OR2L13: variants seen among roughly 807,000 people sequenced by gnomAD.
The protein encoded by OR2L13 is olfactory receptor family 2 subfamily L member 13.
OR2L13 carries 14 observed loss-of-function variants against 15.3 expected under a neutral mutation model. The ratio of observed to expected loss-of-function variants is 0.91; its 90% confidence interval spans 0.60 to 1.43. The LOEUF (loss-of-function observed/expected upper bound fraction) is 1.43. Ranked by LOEUF, OR2L13 falls within the 40% of genes most tolerant of loss-of-function variation. OR2L13 has a pLI of 0.00. For synonymous variants in OR2L13, 152 were observed against 142.9 expected, an observed-to-expected ratio of 1.06 and a Z score of -0.45; for missense variants, 367 against 387.9, an observed-to-expected ratio of 0.95 and a Z score of 0.45.
At chr1:248,067,255 C>T in the OR2L13 span, among the ~76,000 whole-genome samples, 1 of 152,166 alleles carries the variant, frequency 6.6e-6, no homozygotes, top group African/African-American at 2.4e-5. Context: ...TCTACTTTTA[C>T]ATATTATCAA....
chr1:248,058,711 T>C, the OR2L13 span, among the ~76,000 whole-genome samples: 1 of 152,184 alleles, frequency 6.6e-6, no homozygotes, highest in East Asian at 1.9e-4. Flanking sequence ...TTGAATATGA[T>C]GGTTAATATA....
the OR2L13 span, among the ~76,000 whole-genome samples, chr1:247,948,087 G>T: frequency 6.6e-6 from 1 of 151,986 alleles, no homozygotes; most frequent in Non-Finnish European, 1.5e-5. Flanking sequence ...GTGGCACGTG[G>T]CTGTAGTCGC....
the OR2L13 span, among the ~76,000 whole-genome samples, chr1:247,944,643 C>T: frequency 6.6e-6 from 1 of 152,120 alleles, no homozygotes; most frequent in Non-Finnish European, 1.5e-5. Context: ...TGATCTTGTT[C>T]CTTTGTATGG....
chr1:248,045,454 C>T, the OR2L13 span, among the ~76,000 whole-genome samples: 1 of 152,132 alleles, frequency 6.6e-6, no homozygotes, highest in Non-Finnish European at 1.5e-5. Context: ...TTGAGGTAAA[C>T]CTAAAAGTCT....
the OR2L13 span, among the ~76,000 whole-genome samples, chr1:248,082,320 T>C: frequency 1.9e-5 from 2 of 105,396 alleles, no homozygotes; most frequent in Non-Finnish European, 3.8e-5. Context: ...GGAAGGGGAA[T>C]ATCACACTCT....
At chr1:247,990,949 C>T in the OR2L13 span, 8 of 1,469,530 alleles carry the variant, frequency 5.4e-6, no homozygotes, top group Non-Finnish European at 7.6e-6. Context: ...CTACCACATG[C>T]ACTCTGCAGA....
chr1:248,026,194 A>G, the OR2L13 span, among the ~76,000 whole-genome samples: 1 of 152,238 alleles, frequency 6.6e-6, no homozygotes, highest in East Asian at 1.9e-4. Flanking sequence ...CATTGTTTTA[A>G]AAAGAAAAGC....
chr1:247,983,817 G>T, the OR2L13 span, among the ~76,000 whole-genome samples: 2 of 152,220 alleles, frequency 1.3e-5, no homozygotes, highest in Admixed American at 1.3e-4. Flanking sequence ...GAAAGAAAGT[G>T]ACTTTTTCTT....
At chr1:248,042,178 A>C in the OR2L13 span, 5 of 152,184 alleles carry the variant, frequency 3.3e-5, no homozygotes, top group Non-Finnish European at 7.3e-5. Context: ...TGCAGCCATA[A>C]AAGATGATGA....
At chr1:248,063,744 A>G in the OR2L13 span, among the ~76,000 whole-genome samples, 1 of 152,046 alleles carries the variant, frequency 6.6e-6, no homozygotes, top group Non-Finnish European at 1.5e-5. Context: ...GCCACACCCA[A>G]GCCACTCCTT....
At chr1:247,937,770 A>G in the OR2L13 span, among the ~76,000 whole-genome samples, 4 of 152,280 alleles carry the variant, frequency 2.6e-5, no homozygotes. Context: ...AAAAACTAGA[A>G]AAACACATTT....
At chr1:248,074,453 A>G in the OR2L13 span, among the ~76,000 whole-genome samples, 2 of 152,264 alleles carry the variant, frequency 1.3e-5, no homozygotes, top group African/African-American at 4.8e-5. Context: ...AACCCCAAAG[A>G]CACAGCCAAA....
chr1:248,091,245 C>A (rs1664590192), upstream of OR2L13, among the ~76,000 whole-genome samples: 1 of 151,946 alleles, frequency 6.6e-6, no homozygotes, highest in African/African-American at 2.4e-5. Flanking sequence ...TCTGTTTATT[C>A]TTTTGATAGT....
the OR2L13 span, among the ~76,000 whole-genome samples, chr1:248,037,543 C>A: frequency 2.3e-4 from 35 of 152,138 alleles, no homozygotes; most frequent in African/African-American, 8.4e-4. Flanking sequence ...GTATATATTT[C>A]TTAGAAAAAC....
chr1:248,092,488 G>A (rs967012375), upstream of OR2L13, among the ~76,000 whole-genome samples: 6 of 152,106 alleles, frequency 3.9e-5, no homozygotes, highest in African/African-American at 1.4e-4. Flanking sequence ...GAATATAACT[G>A]AACAGCACCA....
chr1:248,094,401 T>C (rs1265304828), upstream of OR2L13, among the ~76,000 whole-genome samples: 1 of 152,218 alleles, frequency 6.6e-6, no homozygotes, highest in African/African-American at 2.4e-5. Context: ...ATGCTACAGT[T>C]GATTGAGCCC....
the OR2L13 span, among the ~76,000 whole-genome samples, chr1:248,087,720 A>G: frequency 1.3e-5 from 2 of 152,192 alleles, no homozygotes; most frequent in Admixed American, 1.3e-4. Flanking sequence ...GGGAATACAG[A>G]TTAAAGTATT....
At chr1:248,044,049 C>CA in the OR2L13 span, among the ~76,000 whole-genome samples, 3 of 152,102 alleles carry the variant, frequency 2.0e-5, no homozygotes, top group Non-Finnish European at 4.4e-5. Context: ...TCTAAAGGCT[C>CA]AAAATACCAA....
At chr1:248,018,600 A>C in the OR2L13 span, among the ~76,000 whole-genome samples, 1 of 152,234 alleles carries the variant, frequency 6.6e-6, no homozygotes, top group Admixed American at 6.5e-5. Context: ...GGAATTCCAA[A>C]TATGGAATAA....
Sources: gnomAD v4.1 joint callset for allele counts (sites outside exome capture counted in the v4.1 genomes callset) on GRCh38, gnomAD v4.1.1 for gene constraint, MANE v1.5 for transcripts, NCBI Gene and HGNC (gene_info 2026-07-23, HGNC 2026-07-21) for gene names.